The following CDH4 variants were observed in gnomAD, a reference collection of about 807,000 sequenced individuals.
The protein encoded by CDH4 is cadherin 4, also known as cadherin-4.
Under a neutral mutation model 86.0 loss-of-function variants are expected in CDH4, and 33 were observed. The observed-to-expected ratio is 0.38, with a 90% CI of 0.29 to 0.51. The LOEUF (loss-of-function observed/expected upper bound fraction) is 0.51, where lower values mean the gene tolerates loss of function less well. Ranked by LOEUF, CDH4 falls within the 20% of genes least tolerant of loss-of-function variation. The pLI is 0.86. For synonymous variants in CDH4, 555 were observed against 549.4 expected (o/e 1.01, Z -0.14); for missense variants, 1,114 against 1,307.4 (o/e 0.85, Z 2.28).
At position 61,852,969 on chromosome 20, in the gene CDH4, G is replaced by A. The variant is rs183801400; in HGVS notation, c.877+71G>A. The A allele has an allele frequency of 5.3e-5, 80 of 1,512,392 alleles. No individual in the cohort carries two copies. In the Admixed American group the frequency reaches 1.1e-3, roughly 20 times the overall value. The allele number at this position is 1,512,392 out of a possible 1,614,324, so 93.7% of individuals were successfully genotyped here. On this transcript the variant is annotated intron_variant, in intron 6 of 15. Transcript: ENST00000614565. The stretch of plus-strand genomic sequence containing the variant: ...GGGTGCAGCACAGGCCCTGAGGGCA[G>A]GGGAGGGCTGCTTAGTCCCCGCTAC...
intron 2 of CDH4, among the ~76,000 whole-genome samples, chr20:61,408,968 C>A (rs2085099463): frequency 6.6e-6 from 1 of 152,212 alleles, no homozygotes; most frequent in Non-Finnish European, 1.5e-5. Flanking sequence ...TCTGCACAGG[C>A]TTCTCTGCTT....
chr20:61,918,704 G>A (rs2054932916), intron 9 of CDH4, among the ~76,000 whole-genome samples: 1 of 152,056 alleles, frequency 6.6e-6, no homozygotes, highest in Non-Finnish European at 1.5e-5. Flanking sequence ...TGGAAGCGTG[G>A]TATTGCAGTG....
At chr20:61,597,063 G>A (rs1434640448) in intron 2 of CDH4, among the ~76,000 whole-genome samples, 3 of 152,244 alleles carry the variant, frequency 2.0e-5, no homozygotes, top group Non-Finnish European at 4.4e-5. Context: ...TCAAGGTGGT[G>A]CCAACTATAA....
Position 61,851,122 on chromosome 20 carries a change from C to T in CDH4, c.733-1632C>T, listed in dbSNP as rs564228440. On this transcript the variant is annotated intron_variant, in intron 5 of 15. Coordinates refer to ENST00000614565, the MANE Select transcript of CDH4 (RefSeq NM_001794.5). ...CTGCCCGCGACGGGGCGGGGACAGC[C>T]GGTTCCAGCAACCCCACAGCACTTC... Among the ~76,000 whole-genome samples, 27 of 152,348 alleles carry T rather than the reference C, an allele frequency of 1.8e-4. No individual in the cohort carries two copies. In the South Asian group the frequency reaches 4.6e-3, roughly 26 times the overall value.
intron 2 of CDH4, among the ~76,000 whole-genome samples, chr20:61,608,487 G>C (rs1212755844): frequency 6.6e-6 from 1 of 152,230 alleles, no homozygotes; most frequent in Non-Finnish European, 1.5e-5. Context: ...ACCCTGGACA[G>C]TTCTCCAGGT....
chr20:61,655,233 A>G (rs1006644), intron 2 of CDH4, among the ~76,000 whole-genome samples: 120,603 of 152,170 alleles, frequency 0.79, 47,859 homozygotes, highest in Middle Eastern at 0.82. Flanking sequence ...AATAATCACC[A>G]AGGGTCCTTC....
intron 11 of CDH4, among the ~76,000 whole-genome samples, chr20:61,925,344 G>T (rs958168628): frequency 6.6e-6 from 1 of 152,200 alleles, no homozygotes; most frequent in African/African-American, 2.4e-5. Context: ...TTCTGGAACC[G>T]AAGATCAGTC....
At chr20:61,832,599 G>C (rs1981673669) in intron 4 of CDH4, among the ~76,000 whole-genome samples, 1 of 152,194 alleles carries the variant, frequency 6.6e-6, no homozygotes, top group African/African-American at 2.4e-5. Flanking sequence ...AGGCAGGAGA[G>C]AGAAGTGCGA....
At chr20:61,882,980 C>T (rs1274265448) in intron 7 of CDH4, among the ~76,000 whole-genome samples, 3 of 152,148 alleles carry the variant, frequency 2.0e-5, no homozygotes, top group African/African-American at 4.8e-5. Context: ...TCTGTCCACG[C>T]CCAGAAGCCC....
At chr20:61,551,281 A>G (rs1296355580) in intron 2 of CDH4, among the ~76,000 whole-genome samples, 1 of 152,190 alleles carries the variant, frequency 6.6e-6, no homozygotes, top group Non-Finnish European at 1.5e-5. Context: ...CCTTGTCCTC[A>G]CTGTCTTGTC....
chr20:61,775,796 C>T (rs559782234), intron 4 of CDH4, among the ~76,000 whole-genome samples: 2 of 152,324 alleles, frequency 1.3e-5, no homozygotes, highest in African/African-American at 4.8e-5. Context: ...TATCTTAGCA[C>T]AACTGGGATA....
chr20:61,924,762 C>A (rs537647009), intron 11 of CDH4, among the ~76,000 whole-genome samples: 4 of 152,196 alleles, frequency 2.6e-5, no homozygotes, highest in East Asian at 1.9e-4. Context: ...GTCTTTCCCC[C>A]CAACGTCACT....
intron 7 of CDH4, among the ~76,000 whole-genome samples, chr20:61,894,257 G>A (rs1258346916): frequency 1.3e-5 from 2 of 152,222 alleles, no homozygotes; most frequent in African/African-American, 4.8e-5. Flanking sequence ...CAAGGGCCCT[G>A]AGGAGAAAGG....
chr20:61,827,223 G>A (rs556788242), intron 4 of CDH4, among the ~76,000 whole-genome samples: 21 of 152,208 alleles, frequency 1.4e-4, no homozygotes, highest in South Asian at 4.2e-4. Flanking sequence ...GAATCAACGC[G>A]TCCGTCTATC....
chr20:61,936,884 G>A lies in CDH4; in HGVS notation c.2692G>A (p.Asp898Asn), dbSNP rs547443072. 832 of 1,603,976 alleles carry A rather than the reference G, an allele frequency of 5.2e-4. 9 individuals are homozygous for A. In the South Asian group the frequency reaches 7.2e-3, roughly 14 times the overall value. The change falls in exon 16 of 16, where the codon GAC becomes AAC. Residue 898 changes from aspartate (D) to asparagine (N), a missense_variant. This residue lies in a region of CDH4 where 188 missense variants were observed against 183.8 expected (regional missense o/e 1.02). Coordinates refer to ENST00000614565, the MANE Select transcript of CDH4 (RefSeq NM_001794.5). ...SGDQDYDYLN[D>N]WGPRFKKLAD... is the part of the protein sequence containing the mutation. Reference sequence around the variant, plus strand: ...GGACCAAGACTACGATTACCTCAACGACTGGGGGCCCAGATTCAAGAAGCT... The same window carrying A: ...GGACCAAGACTACGATTACCTCAACAACTGGGGGCCCAGATTCAAGAAGCT...
At position 61,844,765 on chromosome 20, in the gene CDH4, T is replaced by C. The variant is rs542479758; in HGVS notation, c.674T>C (p.Met225Thr). The C allele has an allele frequency of 8.7e-6, 14 of 1,613,906 alleles. No individual in the cohort carries two copies. The highest frequency in any genetic ancestry group is 1.1e-5 in the Non-Finnish European group (13 of 1,179,940). ...ATGGAGGTCTTCAGCATTGACTCCA[T>C]GTCCGGCCGGATGTACGTCACAAGG... ...PPMEVFSIDS[M>T]SGRMYVTRPM... Residue 225 changes from methionine (M) to threonine (T), a missense_variant, in exon 5 of 16, where the codon ATG becomes ACG. Transcript: ENST00000614565.
chr20:61,570,808 C>T (rs543519624), intron 2 of CDH4: 27 of 701,674 alleles, frequency 3.8e-5, no homozygotes, highest in Non-Finnish European at 6.0e-5. Flanking sequence ...CCTTCTCTGC[C>T]GCGCCAGGGG....
At chr20:61,281,757 C>T (rs916700023) in intron 2 of CDH4, among the ~76,000 whole-genome samples, 1 of 152,240 alleles carries the variant, frequency 6.6e-6, no homozygotes, top group African/African-American at 2.4e-5. Flanking sequence ...ACCTCCTCCC[C>T]TGGAGGGGAC....
chr20:61,581,611 G>A (rs910348594), intron 2 of CDH4, among the ~76,000 whole-genome samples: 14 of 152,050 alleles, frequency 9.2e-5, no homozygotes, highest in African/African-American at 1.9e-4. Context: ...CCTCCTCCTC[G>A]GACCCGCCCT....
Sources: gnomAD v4.1 joint callset for allele counts (sites outside exome capture counted in the v4.1 genomes callset) on GRCh38, gnomAD v4.1.1 for gene constraint, gnomAD v4.1.1 regional missense constraint, MANE v1.5 for transcripts, NCBI Gene and HGNC (gene_info 2026-07-23, HGNC 2026-07-21) for gene names.